The following ZBTB7C variants were observed in gnomAD, a reference collection of about 807,000 sequenced individuals.
ZBTB7C encodes zinc finger and BTB domain-containing protein 7C.
In ZBTB7C, 8 loss-of-function variants were observed where a neutral mutation model predicts 25.7. That is an observed-to-expected ratio of 0.31 (90% CI 0.18 to 0.56). The LOEUF is 0.56. Ranked by LOEUF, ZBTB7C falls within the 20% of genes least tolerant of loss-of-function variation. ZBTB7C has a pLI of 0.91. For missense variants in ZBTB7C, 824 were observed against 855.2 expected (o/e 0.96, Z 0.46); for synonymous variants, 394 against 369.0 (o/e 1.07, Z -0.78).
intron 3 of ZBTB7C, among the ~76,000 whole-genome samples, chr18:48,063,309 C>G (rs1190022277): frequency 2.0e-5 from 3 of 152,228 alleles, no homozygotes; most frequent in Non-Finnish European, 4.4e-5. Flanking sequence ...GGCTTTTCCC[C>G]CCCAGCTTAC....
At chr18:48,119,325 A>G (rs2039548280) in intron 3 of ZBTB7C, among the ~76,000 whole-genome samples, 1 of 152,250 alleles carries the variant, frequency 6.6e-6, no homozygotes, top group African/African-American at 2.4e-5. Flanking sequence ...CCACCAGGTG[A>G]GAAGGAGCCA....
At chr18:48,241,957 TA>T (rs1433552669) in intron 2 of ZBTB7C, among the ~76,000 whole-genome samples, 1 of 151,814 alleles carries the variant, frequency 6.6e-6, no homozygotes, top group Non-Finnish European at 1.5e-5. Flanking sequence ...TTAGCAAGAT[TA>T]ACCAAGAAAA....
At chr18:48,077,034 A>T in intron 3 of ZBTB7C, 1 of 957,398 alleles carries the variant, frequency 1.0e-6, no homozygotes, top group Non-Finnish European at 1.2e-6. Flanking sequence ...AAGAGAATAG[A>T]AAGAAATGCA....
At chr18:48,350,028 A>G (rs1349389445) in intron 1 of ZBTB7C, among the ~76,000 whole-genome samples, 1 of 152,202 alleles carries the variant, frequency 6.6e-6, no homozygotes, top group Non-Finnish European at 1.5e-5. Context: ...TCCTCAGTGC[A>G]TGTGCTGAGT....
intron 2 of ZBTB7C, among the ~76,000 whole-genome samples, chr18:48,283,015 A>T (rs1237588266): frequency 1.3e-5 from 2 of 152,228 alleles, no homozygotes; most frequent in African/African-American, 4.8e-5. Flanking sequence ...TATTTCAATA[A>T]GAAGTTTAAA....
At chr18:48,036,536 G>A (rs1426105704) in intron 4 of ZBTB7C, among the ~76,000 whole-genome samples, 5 of 152,192 alleles carry the variant, frequency 3.3e-5, no homozygotes, top group African/African-American at 1.2e-4. Context: ...GGGAGGAAAT[G>A]GGGCTTTGCC....
intron 1 of ZBTB7C, among the ~76,000 whole-genome samples, chr18:48,402,281 G>A (rs1369250998): frequency 1.3e-5 from 2 of 150,448 alleles, no homozygotes; most frequent in African/African-American, 5.0e-5. Flanking sequence ...AAAAAAAAAG[G>A]TTACTTAATG....
At chr18:48,393,167 C>G (rs1006932764) in intron 1 of ZBTB7C, among the ~76,000 whole-genome samples, 1 of 152,104 alleles carries the variant, frequency 6.6e-6, no homozygotes, top group Non-Finnish European at 1.5e-5. Flanking sequence ...GAAGAGCCCA[C>G]CTGCCAGGGT....
In ZBTB7C at chr18:48,125,887, G is replaced by A. The variant is rs1393786751; in HGVS notation, c.-17+60047C>T. Among the ~76,000 whole-genome samples the A allele has an allele frequency of 7.9e-5, 12 of 152,112 alleles. No individual in the cohort carries two copies. The East Asian group carries it at 2.1e-3, about 27-fold the overall frequency. On this transcript the variant is annotated intron_variant, in intron 3 of 4. Transcript: ENST00000590800. ...CATTCTAAGAATGCAAGATATCATC[G>A]TGCAACTCTCTTTACCTAGTGTGCT...
intron 3 of ZBTB7C, among the ~76,000 whole-genome samples, chr18:48,138,273 C>A (rs991411178): frequency 6.6e-6 from 1 of 152,084 alleles, no homozygotes; most frequent in Non-Finnish European, 1.5e-5. Flanking sequence ...TTGCAGAGCC[C>A]CAGAAAGATG....
intron 4 of ZBTB7C, among the ~76,000 whole-genome samples, chr18:48,033,190 T>C (rs1568159833): frequency 6.6e-6 from 1 of 152,178 alleles, no homozygotes. Context: ...TTGCGTGAGC[T>C]AGATTCAACA....
rs1283230863 is a variant in ZBTB7C at position 48,027,376 on chromosome 18, T to TC, written c.*1883dup. 2.0e-5 allele frequency: 3 copies of TC among 150,750 alleles called. No individual in the cohort carries two copies. The highest frequency in any genetic ancestry group is 6.6e-5 in the Admixed American group (1 of 15,182). 9.3% of individuals were successfully genotyped at this position (150,750 alleles called of 1,614,324 possible). A position where few individuals can be genotyped will look rare whatever the true frequency, so the allele number is the denominator to read the frequency against. Reference sequence around the variant, plus strand: ...TTCATGTTTCCTTTTTTTTTTTTTTTCCTCTCTTTTAAAGTCTGGTTCAGC... The same window carrying TC: ...TTCATGTTTCCTTTTTTTTTTTTTTTCCCTCTCTTTTAAAGTCTGGTTCAGC... On this transcript the variant is annotated 3_prime_UTR_variant, in exon 5 of 5. Coordinates refer to ENST00000590800, the MANE Select transcript of ZBTB7C (RefSeq NM_001318841.2).
chr18:48,254,354 A>G (rs780746052), intron 2 of ZBTB7C, among the ~76,000 whole-genome samples: 2 of 152,198 alleles, frequency 1.3e-5, no homozygotes, highest in Non-Finnish European at 2.9e-5. Context: ...GGCCAAGTGG[A>G]AAGCCCATTT....
intron 3 of ZBTB7C, among the ~76,000 whole-genome samples, chr18:48,090,419 C>T (rs962116686): frequency 2.0e-5 from 3 of 152,182 alleles, no homozygotes; most frequent in Non-Finnish European, 4.4e-5. Context: ...CTTCCAGATG[C>T]GATCCTGCAC....
chr18:48,084,711 C>T (rs371217246), intron 3 of ZBTB7C, among the ~76,000 whole-genome samples: 46 of 152,318 alleles, frequency 3.0e-4, no homozygotes, highest in African/African-American at 1.1e-3. Flanking sequence ...GGCCTTCCCA[C>T]CCACTTCTTG....
At chr18:48,372,703 C>A (rs948174859) in intron 1 of ZBTB7C, among the ~76,000 whole-genome samples, 3 of 152,248 alleles carry the variant, frequency 2.0e-5, no homozygotes, top group Admixed American at 2.0e-4. Context: ...ATGGTCTGCC[C>A]AGCCTCCCTC....
intron 1 of ZBTB7C, among the ~76,000 whole-genome samples, chr18:48,357,228 CG>C (rs1374183713): frequency 6.6e-6 from 1 of 152,158 alleles, no homozygotes; most frequent in Non-Finnish European, 1.5e-5. Flanking sequence ...CAGAATAGGT[CG>C]GGGGTGGCCA....
At chr18:48,315,957 A>G (rs1178003647) in intron 2 of ZBTB7C, among the ~76,000 whole-genome samples, 2 of 152,162 alleles carry the variant, frequency 1.3e-5, no homozygotes, top group Non-Finnish European at 2.9e-5. Context: ...AGAAAGGATC[A>G]GCAATTTTCA....
chr18:48,272,040 C>T (rs373713518), intron 2 of ZBTB7C, among the ~76,000 whole-genome samples: 1 of 152,288 alleles, frequency 6.6e-6, no homozygotes, highest in Non-Finnish European at 1.5e-5. Flanking sequence ...GATATCATTG[C>T]TCATGATGCA....
Sources: allele counts gnomAD v4.1 joint callset (sites outside exome capture counted in the v4.1 genomes callset), GRCh38; gene constraint gnomAD v4.1.1; transcripts MANE v1.5; gene names NCBI Gene and HGNC (gene_info 2026-07-23, HGNC 2026-07-21).